The following PAK2 variants were observed in gnomAD, a reference collection of about 807,000 sequenced individuals.
PAK2 encodes the protein serine/threonine-protein kinase PAK 2.
PAK2 carries 21 observed loss-of-function variants against 65.9 expected under a neutral mutation model. The ratio of observed to expected loss-of-function variants is 0.32; its 90% confidence interval spans 0.23 to 0.46. PAK2 has a LOEUF of 0.46. PAK2 is among the 20% of genes least tolerant of loss of function. PAK2 has a pLI of 1.00. For synonymous variants in PAK2, 204 were observed against 219.7 expected (o/e 0.93, Z 0.63); for missense variants, 324 against 642.6 (o/e 0.50, Z 5.36).
chr3:196,742,294 G>T (rs1560085730), intron 1 of PAK2, among the ~76,000 whole-genome samples: 1 of 152,034 alleles, frequency 6.6e-6, no homozygotes, highest in Non-Finnish European at 1.5e-5. Context: ...CACCGTGTTG[G>T]TTAGGCTGGT....
chr3:196,767,740 C>T (rs142592929), intron 1 of PAK2, among the ~76,000 whole-genome samples: 1,762 of 152,174 alleles, frequency 0.012, 55 homozygotes, highest in African/African-American at 0.04. Flanking sequence ...GTGATCCGCC[C>T]GCTTCGGCCT....
At chr3:196,754,340 T>G (rs1354645048) in intron 1 of PAK2, among the ~76,000 whole-genome samples, 1 of 152,226 alleles carries the variant, frequency 6.6e-6, no homozygotes, top group Non-Finnish European at 1.5e-5. Flanking sequence ...GTAACTGTTA[T>G]GTCCTGTCTC....
chr3:196,780,698 G>A (rs1480283057), intron 1 of PAK2, among the ~76,000 whole-genome samples: 5 of 152,076 alleles, frequency 3.3e-5, no homozygotes, highest in Admixed American at 3.3e-4. Flanking sequence ...CATTTTGAGA[G>A]CGAAAATATA....
At chr3:196,742,405 T>C (rs989120931) in intron 1 of PAK2, among the ~76,000 whole-genome samples, 2 of 152,188 alleles carry the variant, frequency 1.3e-5, no homozygotes, top group Non-Finnish European at 2.9e-5. Context: ...ATTTCAATTA[T>C]ACTTTTTAAG....
At chr3:196,741,280 T>G (rs1341259808) in intron 1 of PAK2, among the ~76,000 whole-genome samples, 3 of 152,160 alleles carry the variant, frequency 2.0e-5, no homozygotes, top group African/African-American at 7.2e-5. Flanking sequence ...GGATTTTGTT[T>G]TTGTAGGGTT....
intron 1 of PAK2, chr3:196,747,166 T>A (rs1422123064): frequency 2.2e-5 from 2 of 91,008 alleles, no homozygotes; most frequent in East Asian, 6.1e-4. Context: ...TATTTTGCTC[T>A]CCTGCTTTTT....
At chr3:196,786,937 G>A (rs1400676513) in intron 2 of PAK2, among the ~76,000 whole-genome samples, 1 of 151,672 alleles carries the variant, frequency 6.6e-6, no homozygotes, top group Non-Finnish European at 1.5e-5. Flanking sequence ...TGATCCTCCT[G>A]CCTCAGCCTT....
intron 1 of PAK2, among the ~76,000 whole-genome samples, chr3:196,774,029 C>G (rs180687568): frequency 2.6e-5 from 4 of 152,048 alleles, no homozygotes; most frequent in African/African-American, 9.7e-5. Context: ...GAGACTCCGT[C>G]TCAAAAAAAA....
At chr3:196,763,376 A>G (rs1714048947) in intron 1 of PAK2, among the ~76,000 whole-genome samples, 2 of 152,156 alleles carry the variant, frequency 1.3e-5, no homozygotes, top group Admixed American at 6.6e-5. Context: ...TCTTGTGACA[A>G]CTGGAACCAG....
intron 1 of PAK2, among the ~76,000 whole-genome samples, chr3:196,757,462 T>A (rs1713806266): frequency 6.6e-6 from 1 of 152,210 alleles, no homozygotes. Flanking sequence ...TAACTTCTAG[T>A]GTGAAAATAT....
At chr3:196,783,182 G>GCCC (rs1338605435) in intron 2 of PAK2, among the ~76,000 whole-genome samples, 4 of 152,118 alleles carry the variant, frequency 2.6e-5, no homozygotes, top group Non-Finnish European at 4.4e-5. Flanking sequence ...AATCCCTGGA[G>GCCC]CCAACTGTGT....
chr3:196,751,995 G>A (rs553671475), intron 1 of PAK2, among the ~76,000 whole-genome samples: 8 of 151,724 alleles, frequency 5.3e-5, no homozygotes, highest in African/African-American at 1.9e-4. Context: ...TGCCTGCCTC[G>A]GCCTCCCAAA....
chr3:196,778,396 T>G (rs1714603387), intron 1 of PAK2, among the ~76,000 whole-genome samples: 1 of 152,258 alleles, frequency 6.6e-6, no homozygotes, highest in Non-Finnish European at 1.5e-5. Flanking sequence ...TTCTCTTGGC[T>G]ATATACCTGG....
In PAK2 at chr3:196,787,468, A is replaced by G. The variant is rs548082319; in HGVS notation, c.187+4635A>G. On this transcript the variant is annotated intron_variant, in intron 2 of 14. Coordinates refer to ENST00000327134, the MANE Select transcript of PAK2 (RefSeq NM_002577.4). ...GTGGCAGGTGCCTGTAGTCCCAGCTACTCTGGAGGCTGAGGCAGGAGAATG... is the reference window on the plus strand; with the variant it reads ...GTGGCAGGTGCCTGTAGTCCCAGCTGCTCTGGAGGCTGAGGCAGGAGAATG... Among the ~76,000 whole-genome samples, 397 of 151,312 alleles carry G rather than the reference A, an allele frequency of 2.6e-3. 1 individual carries two copies. Among genetic ancestry groups the G allele is most frequent in the South Asian group, 7.7e-3 (37 of 4,784 alleles).
chr3:196,763,925 A>G (rs1013268798), intron 1 of PAK2, among the ~76,000 whole-genome samples: 2 of 150,234 alleles, frequency 1.3e-5, no homozygotes, highest in East Asian at 3.9e-4. Context: ...CAGCCTCCAG[A>G]GTAGCTGGGA....
At chr3:196,778,741 C>T (rs753287618) in intron 1 of PAK2, among the ~76,000 whole-genome samples, 2 of 152,200 alleles carry the variant, frequency 1.3e-5, no homozygotes, top group Non-Finnish European at 2.9e-5. Context: ...GGTTGTGTCT[C>T]CTCTGATCTG....
chr3:196,816,754 C>T (rs1716038597), intron 11 of PAK2, among the ~76,000 whole-genome samples: 1 of 152,112 alleles, frequency 6.6e-6, no homozygotes, highest in African/African-American at 2.4e-5. Context: ...TAACTTACAC[C>T]CGTAGTTCAA....
chr3:196,747,183 G>A (rs1235650643), intron 1 of PAK2: 1 of 120,278 alleles, frequency 8.3e-6, no homozygotes, highest in Non-Finnish European at 1.8e-5. Flanking sequence ...TTTTTTTTTT[G>A]TTGTTAACAA....
rs1714024305 is a variant in PAK2, at chr3:196,762,699, AGAG to A, written c.-21-19923_-21-19921del. Among the ~76,000 whole-genome samples the A allele has an allele frequency of 6.8e-5, 10 of 148,034 alleles. No individual in the cohort carries two copies. In the South Asian group the frequency reaches 2.1e-3, roughly 32 times the overall value. Reference sequence around the variant, plus strand: ...TGGGGAGAGGGAGAGGGAGAGGGAGAGAGGAGAACCGCTTTAACCGGGGAGGCG... The same window carrying A: ...TGGGGAGAGGGAGAGGGAGAGGGAGAGAGAACCGCTTTAACCGGGGAGGCG... On this transcript the variant is annotated intron_variant, in intron 1 of 14. Transcript: ENST00000327134.
Sources: gnomAD v4.1 joint callset for allele counts (sites outside exome capture counted in the v4.1 genomes callset) on GRCh38, gnomAD v4.1.1 for gene constraint, MANE v1.5 for transcripts, NCBI Gene and HGNC (gene_info 2026-07-23, HGNC 2026-07-21) for gene names.